The following PAK5 variants were observed in gnomAD, a reference collection of about 807,000 sequenced individuals.
PAK5 encodes serine/threonine-protein kinase PAK 5.
In PAK5, 16 loss-of-function variants were observed where a neutral mutation model predicts 65.9. That is an observed-to-expected ratio of 0.24 (90% confidence interval 0.16 to 0.37). The LOEUF is 0.37. PAK5 is among the 10% of genes least tolerant of loss of function. The pLI is 1.00. For synonymous variants in PAK5, 371 were observed against 354.9 expected, an observed-to-expected ratio of 1.05 and a Z score of -0.51; for missense variants, 785 against 903.9, an observed-to-expected ratio of 0.87 and a Z score of 1.69.
intron 2 of PAK5, among the ~76,000 whole-genome samples, chr20:9,662,844 C>A (rs1187284994): frequency 6.6e-6 from 1 of 152,060 alleles, no homozygotes; most frequent in Non-Finnish European, 1.5e-5. Context: ...GAGAAAAAAG[C>A]TAAGTATCAG....
intron 1 of PAK5, among the ~76,000 whole-genome samples, chr20:9,716,915 C>A (rs2048154101): frequency 6.6e-6 from 1 of 151,934 alleles, no homozygotes; most frequent in Non-Finnish European, 1.5e-5. Flanking sequence ...GAAACCCCGT[C>A]TCCACAGAAA....
intron 2 of PAK5, among the ~76,000 whole-genome samples, chr20:9,694,471 C>T (rs76764761): frequency 0.045 from 6,849 of 151,892 alleles, 191 homozygotes; most frequent in Middle Eastern, 0.11. Context: ...TACAGCTTAA[C>T]GACTTTTCAC....
chr20:9,753,695 C>A (rs1328762303), intron 1 of PAK5, among the ~76,000 whole-genome samples: 1 of 152,046 alleles, frequency 6.6e-6, no homozygotes, highest in Non-Finnish European at 1.5e-5. Context: ...TAACAAAGAG[C>A]AAAATATATT....
chr20:9,658,610 T>C (rs527326800), intron 2 of PAK5, among the ~76,000 whole-genome samples: 2 of 152,218 alleles, frequency 1.3e-5, no homozygotes, highest in South Asian at 2.1e-4. Flanking sequence ...CTGTGAGACA[T>C]AGAGAATTAG....
chr20:9,823,815 C>CT (rs2049452473), intron 1 of PAK5, among the ~76,000 whole-genome samples: 2 of 135,308 alleles, frequency 1.5e-5, no homozygotes, highest in South Asian at 2.3e-4. Flanking sequence ...AGGTCTGTTT[C>CT]TGGGGGGGAA....
intron 2 of PAK5, among the ~76,000 whole-genome samples, chr20:9,669,604 A>G (rs1475373393): frequency 6.6e-6 from 1 of 152,118 alleles, no homozygotes; most frequent in African/African-American, 2.4e-5. Flanking sequence ...CATCTAGGCA[A>G]CATCCAAGCT....
At chr20:9,684,711 G>T (rs1386023158) in intron 2 of PAK5, among the ~76,000 whole-genome samples, 2 of 152,036 alleles carry the variant, frequency 1.3e-5, no homozygotes, top group Admixed American at 6.6e-5. Flanking sequence ...ACTCATTCCT[G>T]CTGAATGTTT....
In PAK5 at chr20:9,537,508, G is replaced by A. The variant is rs916292143; in HGVS notation, c.*1954C>T. 4.7e-6 allele frequency: 1 copy of A among 211,006 alleles called. No individual in the cohort carries two copies. Among genetic ancestry groups the A allele is most frequent in the Non-Finnish European group, 9.6e-6 (1 of 103,724 alleles). The allele number at this position is 211,006 out of a possible 1,614,324, so 13.1% of individuals were successfully genotyped here. On this transcript the variant is annotated 3_prime_UTR_variant, in exon 10 of 10. Transcript: ENST00000353224. ...TCAATGAATACTTTAAAAAATACCCGATGGTAAGAAAATTACAGAAAAATT... is the reference window on the plus strand; with the variant it reads ...TCAATGAATACTTTAAAAAATACCCAATGGTAAGAAAATTACAGAAAAATT...
At chr20:9,707,571 G>A (rs1709215674) in intron 2 of PAK5, among the ~76,000 whole-genome samples, 1 of 152,122 alleles carries the variant, frequency 6.6e-6, no homozygotes, top group Non-Finnish European at 1.5e-5. Flanking sequence ...CTAACCAGGA[G>A]GTACAGTCTA....
chr20:9,542,762 A>C (rs1408785782), intron 8 of PAK5, 42 bp from the exon 9 acceptor site: 2 of 1,591,874 alleles, frequency 1.3e-6, no homozygotes, highest in Non-Finnish European at 1.7e-6. Context: ...CAAGGAGAAC[A>C]TTCTGAAATG....
At chr20:9,648,295 G>A (rs1273161719) in intron 2 of PAK5, among the ~76,000 whole-genome samples, 3 of 152,170 alleles carry the variant, frequency 2.0e-5, no homozygotes, top group Non-Finnish European at 2.9e-5. Flanking sequence ...GAACTCACAC[G>A]GGTTGTGGTT....
chr20:9,619,830 G>T (rs2046737809), intron 3 of PAK5, among the ~76,000 whole-genome samples: 1 of 152,176 alleles, frequency 6.6e-6, no homozygotes, highest in Admixed American at 6.5e-5. Flanking sequence ...AAGATCACCA[G>T]GGCTCTCAAC....
At chr20:9,650,841 G>T (rs1362677576) in intron 2 of PAK5, among the ~76,000 whole-genome samples, 3 of 152,094 alleles carry the variant, frequency 2.0e-5, no homozygotes, top group African/African-American at 4.8e-5. Flanking sequence ...ATTAAAAGGG[G>T]CCAAAGTCTT....
chr20:9,550,731 G>GGTGTGTGTGTGT (rs111410496), intron 7 of PAK5, among the ~76,000 whole-genome samples: 3,065 of 148,542 alleles, frequency 0.021, 40 homozygotes, highest in South Asian at 0.036. Flanking sequence ...CCATAATTGT[G>GGTGTGTGTGTGT]GTGTGTGTGT....
intron 1 of PAK5, among the ~76,000 whole-genome samples, chr20:9,779,152 A>G (rs888658217): frequency 6.6e-6 from 1 of 152,062 alleles, no homozygotes; most frequent in Non-Finnish European, 1.5e-5. Context: ...GCTATCACTG[A>G]TATTTATCAA....
intron 1 of PAK5, among the ~76,000 whole-genome samples, chr20:9,835,671 G>T: frequency 6.6e-6 from 1 of 152,216 alleles, no homozygotes; most frequent in South Asian, 2.1e-4. Flanking sequence ...TGATAGTGGT[G>T]GTGGTGGGGA....
chr20:9,715,244 C>G (rs1396470736), intron 1 of PAK5, among the ~76,000 whole-genome samples: 1 of 152,094 alleles, frequency 6.6e-6, no homozygotes, highest in Non-Finnish European at 1.5e-5. Context: ...AGGATATGAA[C>G]AGACACTTCT....
chr20:9,713,329 T>C (rs1243631137), intron 1 of PAK5, among the ~76,000 whole-genome samples: 1 of 151,990 alleles, frequency 6.6e-6, no homozygotes, highest in African/African-American at 2.4e-5. Context: ...CACACTCCAG[T>C]TAGAATGGCT....
intron 1 of PAK5, among the ~76,000 whole-genome samples, chr20:9,834,258 A>T (rs538788061): frequency 2.8e-4 from 43 of 152,212 alleles, no homozygotes; most frequent in South Asian, 6.2e-4. Flanking sequence ...AAAACATAAC[A>T]TGTGTTCCTC....
Sources: gnomAD v4.1 joint callset for allele counts (sites outside exome capture counted in the v4.1 genomes callset) on GRCh38, gnomAD v4.1.1 for gene constraint, MANE v1.5 for transcripts, NCBI Gene and HGNC (gene_info 2026-07-23, HGNC 2026-07-21) for gene names.